Variants in RCOR1 observed in about 807,000 individuals in gnomAD.
RCOR1 encodes REST corepressor.
In RCOR1, 12 loss-of-function variants were observed where a neutral mutation model predicts 64.0. The ratio of observed to expected loss-of-function variants is 0.19; its 90% CI spans 0.12 to 0.30. The LOEUF (loss-of-function observed/expected upper bound fraction) is 0.30. RCOR1 is among the 10% of genes least tolerant of loss of function. RCOR1 has a pLI of 1.00. For missense variants in RCOR1, 502 were observed against 621.2 expected, an observed-to-expected ratio of 0.81 and a Z score of 2.04; for synonymous variants, 279 against 227.2, an observed-to-expected ratio of 1.23 and a Z score of -2.05.
chr14:102,673,811 C>G (rs1895083177), intron 2 of RCOR1, among the ~76,000 whole-genome samples: 1 of 151,866 alleles, frequency 6.6e-6, no homozygotes, highest in South Asian at 2.1e-4. Flanking sequence ...GACAGGGTTT[C>G]TCCATGTTGC....
chr14:102,642,111 G>A (rs1293595988), intron 2 of RCOR1, among the ~76,000 whole-genome samples: 10 of 152,108 alleles, frequency 6.6e-5, no homozygotes, highest in South Asian at 2.1e-4. Context: ...CTGTTGTGGC[G>A]TGTTTAGTTT....
At chr14:102,639,071 A>T (rs1391801495) in intron 2 of RCOR1, among the ~76,000 whole-genome samples, 1 of 152,222 alleles carries the variant, frequency 6.6e-6, no homozygotes, top group African/African-American at 2.4e-5. Context: ...GAACATAAGT[A>T]GGATGACATA....
At position 102,670,758 on chromosome 14, in the gene RCOR1, T is replaced by TA. The variant is rs1491447855; in HGVS notation, c.362-11137_362-11136insA. Among the ~76,000 whole-genome samples, 8 of 146,008 alleles carry TA rather than the reference T, an allele frequency of 5.5e-5. No homozygotes were observed. In the East Asian group the frequency reaches 8.1e-4, roughly 15 times the overall value. Reference sequence around the variant, plus strand: ...CAAGATTATTATATATATATATATATTTATTTATTTTACTTATTTATTGAT... The same window carrying TA: ...CAAGATTATTATATATATATATATATATTATTTATTTTACTTATTTATTGAT... On this transcript the variant is annotated intron_variant, in intron 2 of 11. Coordinates refer to ENST00000262241, the MANE Select transcript of RCOR1 (RefSeq NM_015156.4).
intron 2 of RCOR1, among the ~76,000 whole-genome samples, chr14:102,651,840 C>T (rs569879003): frequency 1.3e-5 from 2 of 152,238 alleles, no homozygotes; most frequent in African/African-American, 2.4e-5. Context: ...TCCCAAAGTG[C>T]TGGGATTATA....
At chr14:102,610,350 A>T (rs967581576) in intron 2 of RCOR1, among the ~76,000 whole-genome samples, 2 of 152,062 alleles carry the variant, frequency 1.3e-5, no homozygotes, top group Admixed American at 6.6e-5. Context: ...TAACTATTGA[A>T]ATTTAAATTA....
rs867402412 is a variant in RCOR1 at position 102,683,727 on chromosome 14, G to A, written c.445+1749G>A. Among the ~76,000 whole-genome samples, 9 of 152,210 alleles carry A rather than the reference G, an allele frequency of 5.9e-5. No homozygotes were observed. The South Asian group carries it at 1.2e-3, about 21-fold the overall frequency. On this transcript the variant is annotated intron_variant, in intron 3 of 11. Transcript: ENST00000262241. Reference sequence around the variant, plus strand: ...GATGGCAGCCAGTGCGCTCGGCCACGCTTAGGGAGATGTCCCTTGATCTCC... The same window carrying A: ...GATGGCAGCCAGTGCGCTCGGCCACACTTAGGGAGATGTCCCTTGATCTCC...
chr14:102,684,022 C>T (rs1405136633), intron 3 of RCOR1, among the ~76,000 whole-genome samples: 3 of 152,260 alleles, frequency 2.0e-5, no homozygotes, highest in Non-Finnish European at 4.4e-5. Flanking sequence ...CCGTATCCCG[C>T]CTCTCTGCCT....
intron 11 of RCOR1, 99 bp from the exon 12 acceptor site, chr14:102,726,369 T>G: frequency 9.2e-7 from 1 of 1,086,488 alleles, no homozygotes. Context: ...CTCTGCAGGT[T>G]TGCTGGCTAC....
chr14:102,700,452 C>A (rs1356420199), intron 3 of RCOR1, among the ~76,000 whole-genome samples: 1 of 152,164 alleles, frequency 6.6e-6, no homozygotes, highest in African/African-American at 2.4e-5. Flanking sequence ...GAACTCCTGA[C>A]CTCAAAGTGA....
intron 2 of RCOR1, among the ~76,000 whole-genome samples, chr14:102,670,253 A>G (rs1310520616): frequency 6.6e-6 from 1 of 152,176 alleles, no homozygotes; most frequent in East Asian, 1.9e-4. Context: ...TCACCCGGCC[A>G]GAATTTACCT....
intron 2 of RCOR1, among the ~76,000 whole-genome samples, chr14:102,668,627 C>CT (rs957443636): frequency 1.3e-5 from 2 of 152,052 alleles, no homozygotes; most frequent in Non-Finnish European, 2.9e-5. Context: ...AGTCCCTCTC[C>CT]TTTTTTGCAG....
At chr14:102,657,238 G>A in intron 2 of RCOR1, 1 of 985,142 alleles carries the variant, frequency 1.0e-6, no homozygotes, top group East Asian at 1.1e-4. Context: ...TGTGCTTAGT[G>A]TCAGTGCATA....
chr14:102,592,895 C>T lies in RCOR1; in HGVS notation c.9C>T (p.Ala3=), dbSNP rs765961783. Residue 3 remains alanine, a synonymous_variant, in exon 1 of 12, where the codon GCC becomes GCT. Transcript: ENST00000262241. MP[A]MVEKGPEVSG... ...GGCCCCGGCCCCCGCCGATGCCGGCCATGGTGGAGAAGGGCCCCGAGGTCT... is the reference window on the plus strand; with the variant it reads ...GGCCCCGGCCCCCGCCGATGCCGGCTATGGTGGAGAAGGGCCCCGAGGTCT... 9 of 1,233,128 alleles carry T rather than the reference C, an allele frequency of 7.3e-6. No individual in the cohort carries two copies. Among genetic ancestry groups the T allele is most frequent in the Middle Eastern group, 3.2e-4 (1 of 3,158 alleles). The allele number at this position is 1,233,128 out of a possible 1,614,324, so 76.4% of individuals were successfully genotyped here.
chr14:102,660,674 A>G (rs533192989), intron 2 of RCOR1, among the ~76,000 whole-genome samples: 10 of 152,246 alleles, frequency 6.6e-5, no homozygotes, highest in African/African-American at 2.4e-4. Context: ...GCCAAAATTA[A>G]CTTTTTAATC....
intron 2 of RCOR1, among the ~76,000 whole-genome samples, chr14:102,595,834 C>G (rs4900547): frequency 0.09 from 13,640 of 152,066 alleles, 667 homozygotes; most frequent in Middle Eastern, 0.17. Flanking sequence ...CCGTCTCGGC[C>G]TCTCATAGTG....
chr14:102,650,858 C>T (rs185922199), intron 2 of RCOR1: 13 of 318,018 alleles, frequency 4.1e-5, no homozygotes, highest in African/African-American at 3.0e-4. Flanking sequence ...ATATTTTAAA[C>T]TTACGGGACT....
At chr14:102,630,278 A>G (rs1894083316) in intron 2 of RCOR1, among the ~76,000 whole-genome samples, 1 of 152,182 alleles carries the variant, frequency 6.6e-6, no homozygotes, top group Non-Finnish European at 1.5e-5. Context: ...ACCTCTTCAC[A>G]TGCTGGCTCC....
At chr14:102,612,578 C>T (rs560574458) in intron 2 of RCOR1, among the ~76,000 whole-genome samples, 16 of 152,136 alleles carry the variant, frequency 1.1e-4, no homozygotes, top group Non-Finnish European at 1.8e-4. Flanking sequence ...TCAAGCAATC[C>T]ACCTGCTTCG....
At position 102,721,033 on chromosome 14, in the gene RCOR1, T is replaced by C. The variant is rs1896159675; in HGVS notation, c.1080T>C (p.Ser360=). ...RQIQNIKQTN[S]ALKEKLDGGI... ...TCCAGAATATTAAACAGACAAACAG[T>C]GCTCTCAAAGAAAAACTTGATGGTG... Residue 360 remains serine (S), a synonymous_variant, in exon 9 of 12, where the codon AGT becomes AGC. Coordinates refer to ENST00000262241, the MANE Select transcript of RCOR1 (RefSeq NM_015156.4). 2.5e-6 allele frequency: 4 copies of C among 1,569,360 alleles called. No individual in the cohort carries two copies. Among genetic ancestry groups the C allele is most frequent in the African/African-American group, 1.4e-5 (1 of 73,262 alleles).
Sources: gnomAD v4.1 joint callset for allele counts (sites outside exome capture counted in the v4.1 genomes callset) on GRCh38, gnomAD v4.1.1 for gene constraint, MANE v1.5 for transcripts, NCBI Gene and HGNC (gene_info 2026-07-23, HGNC 2026-07-21) for gene names.